COL24A1: variants seen among roughly 807,000 people sequenced by gnomAD.
The protein encoded by COL24A1 is collagen type XXIV alpha 1 chain, also known as collagen alpha-1(XXIV) chain.
In COL24A1, 224 loss-of-function variants were observed where a neutral mutation model predicts 253.9. The ratio of observed to expected loss-of-function variants is 0.88; its 90% CI spans 0.79 to 0.99. The LOEUF is 0.99. Among genes scored for constraint, COL24A1 ranks in the 50% least tolerant of loss-of-function variants. COL24A1 has a pLI of 0.00. For synonymous variants in COL24A1, 685 were observed against 673.7 expected (o/e 1.02, Z -0.26); for missense variants, 2,131 against 2,068.5 (o/e 1.03, Z -0.59).
At chr1:85,987,341 T>C (rs1418671943) in intron 20 of COL24A1, among the ~76,000 whole-genome samples, 1 of 151,800 alleles carries the variant, frequency 6.6e-6, no homozygotes, top group East Asian at 1.9e-4. Flanking sequence ...TATGACTTTT[T>C]AGAGTTTTTT....
intron 37 of COL24A1, among the ~76,000 whole-genome samples, chr1:85,863,058 A>G (rs2102460294): frequency 6.6e-6 from 1 of 152,240 alleles, no homozygotes; most frequent in Admixed American, 6.5e-5. Context: ...ATTTCTAGAT[A>G]TTTGATTATC....
chr1:86,144,254 GTTGT>G (rs1177523892), intron 2 of COL24A1, among the ~76,000 whole-genome samples: 2 of 151,978 alleles, frequency 1.3e-5, no homozygotes, highest in Admixed American at 1.3e-4. Context: ...AGAGAAATAT[GTTGT>G]TTCTTTCATT....
At chr1:85,766,199 C>T (rs564369428) in intron 53 of COL24A1, among the ~76,000 whole-genome samples, 1 of 151,474 alleles carries the variant, frequency 6.6e-6, no homozygotes, top group Admixed American at 6.6e-5. Context: ...AATCCCGTTT[C>T]TACAAAAAAA....
intron 55 of COL24A1, among the ~76,000 whole-genome samples, chr1:85,755,918 A>AC (rs35973234): frequency 0.53 from 64,123 of 120,618 alleles, 14,328 homozygotes; most frequent in South Asian, 0.65. Flanking sequence ...AAAAAAAAAA[A>AC]AACTTCTGTG....
intron 24 of COL24A1, among the ~76,000 whole-genome samples, chr1:85,940,547 C>A (rs7524896): frequency 0.74 from 112,373 of 151,008 alleles, 41,748 homozygotes; most frequent in East Asian, 0.79. Context: ...TTATCGATTA[C>A]ATTTAGAATA....
intron 3 of COL24A1, among the ~76,000 whole-genome samples, chr1:86,123,251 G>A (rs1016221712): frequency 2.0e-5 from 3 of 151,806 alleles, no homozygotes; most frequent in Non-Finnish European, 4.4e-5. Context: ...CATTCTTAGA[G>A]CCTAGGTCAT....
At chr1:85,951,782 C>T (rs941155918) in intron 24 of COL24A1, among the ~76,000 whole-genome samples, 2 of 152,104 alleles carry the variant, frequency 1.3e-5, no homozygotes, top group African/African-American at 4.8e-5. Flanking sequence ...AACATAGATT[C>T]CAAAACTCAT....
At chr1:86,138,907 T>C (rs1277344934) in intron 2 of COL24A1, among the ~76,000 whole-genome samples, 1 of 152,050 alleles carries the variant, frequency 6.6e-6, no homozygotes, top group Non-Finnish European at 1.5e-5. Flanking sequence ...ATGCCAATCT[T>C]TACTCATCCT....
At chr1:85,980,221 G>A (rs1693113001) in intron 20 of COL24A1, among the ~76,000 whole-genome samples, 3 of 152,308 alleles carry the variant, frequency 2.0e-5, no homozygotes, top group East Asian at 1.9e-4. Context: ...CAAACCCACA[G>A]TGAACATTAT....
At chr1:86,095,422 A>G (rs1703825533) in intron 5 of COL24A1, among the ~76,000 whole-genome samples, 1 of 152,092 alleles carries the variant, frequency 6.6e-6, no homozygotes, top group African/African-American at 2.4e-5. Context: ...GGGAATTTCA[A>G]GTCAGTATGG....
At chr1:85,897,887 G>A (rs546494158) in intron 28 of COL24A1, among the ~76,000 whole-genome samples, 23 of 152,262 alleles carry the variant, frequency 1.5e-4, no homozygotes, top group East Asian at 1.3e-3. Flanking sequence ...AGAATTCAAA[G>A]AGGGAGACAA....
intron 41 of COL24A1, among the ~76,000 whole-genome samples, 192 bp from the exon 42 acceptor site, chr1:85,841,470 G>A (rs1315628497): frequency 1.3e-5 from 2 of 151,958 alleles, no homozygotes; most frequent in Non-Finnish European, 2.9e-5. Flanking sequence ...GGTTCTTCTT[G>A]GAGGTATCAA....
chr1:85,875,176 C>G, intron 34 of COL24A1, 101 bp downstream of exon 34: 1 of 1,007,944 alleles, frequency 9.9e-7, no homozygotes, highest in East Asian at 2.5e-5. Context: ...GGGGCTTCCA[C>G]CTGCTTTCAA....
intron 23 of COL24A1, 65 bp downstream of exon 23, chr1:85,964,944 A>G: frequency 5.7e-6 from 8 of 1,395,042 alleles, no homozygotes; most frequent in Non-Finnish European, 8.0e-6. Context: ...CATTTGTATG[A>G]AAGTCATAAT....
intron 20 of COL24A1, among the ~76,000 whole-genome samples, chr1:85,982,854 A>G (rs938172749): frequency 6.6e-6 from 1 of 152,020 alleles, no homozygotes; most frequent in Non-Finnish European, 1.5e-5. Context: ...TTAGCTGACT[A>G]AATGTTACCT....
chr1:86,102,518 A>G (rs928742497), intron 5 of COL24A1, among the ~76,000 whole-genome samples: 2 of 152,160 alleles, frequency 1.3e-5, no homozygotes, highest in Admixed American at 1.3e-4. Context: ...ATGGGTGTTT[A>G]GTGCAATACA....
chr1:86,059,682 A>G (rs1487161735), intron 8 of COL24A1, among the ~76,000 whole-genome samples: 1 of 152,212 alleles, frequency 6.6e-6, no homozygotes, highest in African/African-American at 2.4e-5. Context: ...CGTTATCATG[A>G]CATGGGTCTG....
intron 43 of COL24A1, among the ~76,000 whole-genome samples, chr1:85,830,424 C>T (rs2102095139): frequency 6.6e-6 from 1 of 152,228 alleles, no homozygotes; most frequent in South Asian, 2.1e-4. Context: ...GGCAGGCAGG[C>T]CTCCTTGAGC....
chr1:85,829,436 G>A (rs1195838157), intron 43 of COL24A1, among the ~76,000 whole-genome samples: 19 of 144,726 alleles, frequency 1.3e-4, no homozygotes, highest in South Asian at 4.5e-4. Context: ...TCTTTGTGGC[G>A]TTCTCTGTAT....
Sources: allele counts gnomAD v4.1 joint callset (sites outside exome capture counted in the v4.1 genomes callset), GRCh38; gene constraint gnomAD v4.1.1; transcripts MANE v1.5; gene names NCBI Gene and HGNC (gene_info 2026-07-23, HGNC 2026-07-21).